The following HHATL variants were observed in gnomAD, a reference collection of about 807,000 sequenced individuals.
HHATL encodes the protein protein-cysteine N-palmitoyltransferase HHAT-like protein.
Under a neutral mutation model 59.7 loss-of-function variants are expected in HHATL, and 49 were observed. That is an observed-to-expected ratio of 0.82 (90% CI 0.65 to 1.04). The LOEUF is 1.04. Ranked by LOEUF, HHATL falls within the 50% of genes least tolerant of loss-of-function variation. The pLI is 0.00. For synonymous variants in HHATL, 238 were observed against 257.3 expected (o/e 0.93, Z 0.72); for missense variants, 605 against 650.8 (o/e 0.93, Z 0.77).
chr3:42,698,916 G>C lies in HHATL; in HGVS notation c.289-14C>G, dbSNP rs1264700416. ...CCAGGAGCGGAGCTGTGGGCAGGGAGAAGGCTTCAGTTTCGCCATATAAAT... is the reference window on the plus strand; with the variant it reads ...CCAGGAGCGGAGCTGTGGGCAGGGACAAGGCTTCAGTTTCGCCATATAAAT... On this transcript the variant is annotated splice_polypyrimidine_tract_variant and intron_variant, in intron 4 of 11. Coordinates refer to ENST00000441594, the MANE Select transcript of HHATL (RefSeq NM_020707.4). The C allele has an allele frequency of 6.2e-7, 1 of 1,603,952 alleles. No individual in the cohort carries two copies. The highest frequency in any genetic ancestry group is 8.5e-7 in the Non-Finnish European group (1 of 1,173,856).
rs1344705856 is a variant in HHATL at position 42,701,675 on chromosome 3, C to CGGG, written c.-13-839_-13-837dup. On this transcript the variant is annotated intron_variant, in intron 1 of 11. Coordinates refer to ENST00000441594, the MANE Select transcript of HHATL (RefSeq NM_020707.4). The surrounding 1 kb of genome is among the most constrained non-coding windows in gnomAD (Gnocchi z 5.1). ...GGCTGAGTCTCACCACTCCCTCCAG[C>CGGG]GGGGGCCTAGCTTGTCCCCTGGAGA... Among the ~76,000 whole-genome samples the CGGG allele has an allele frequency of 6.6e-6, 1 of 152,220 alleles. No individual in the cohort carries two copies. The highest frequency in any genetic ancestry group is 1.5e-5 in the Non-Finnish European group (1 of 68,038).
chr3:42,692,696 GC>G lies in HHATL; in HGVS notation c.*54del. 6.2e-7 allele frequency: 1 copy of G among 1,613,508 alleles called. No homozygotes were observed. The highest frequency in any genetic ancestry group is 8.5e-7 in the Non-Finnish European group (1 of 1,179,650). On this transcript the variant is annotated 3_prime_UTR_variant, in exon 12 of 12. Coordinates refer to ENST00000441594, the MANE Select transcript of HHATL (RefSeq NM_020707.4). ...AAAAGTCTTTTATTCTATCGGTCAG[GC>G]CCCATCTGGCCCAAGAATAGCTGAG...
At chr3:42,696,294 C>T (rs1342860488) in intron 9 of HHATL, among the ~76,000 whole-genome samples, 4 of 152,096 alleles carry the variant, frequency 2.6e-5, no homozygotes, top group Admixed American at 1.3e-4. Context: ...GGCTGAATCT[C>T]GGCCATCCCC....
chr3:42,693,240 G>A, intron 10 of HHATL, 22 bp from the exon 11 acceptor site: 1 of 1,611,850 alleles, frequency 6.2e-7, no homozygotes, highest in Admixed American at 1.7e-5. Flanking sequence ...AGGAAAGCAT[G>A]GGCAGCGGGA....
chr3:42,697,549 C>T lies in HHATL; in HGVS notation c.824G>A (p.Ser275Asn). ...FHFFYILTIP[S>N]DLKFANRLPD... The stretch of plus-strand genomic sequence containing the variant: ...GAGGCGGTTGGCGAACTTGAGGTCG[C>T]TGGGGATAGTGAGGATGTAGAAGAA... The change falls in exon 7 of 12, where the codon AGC becomes AAC. Residue 275 changes from serine (S) to asparagine (N), a missense_variant. Coordinates refer to ENST00000441594, the MANE Select transcript of HHATL (RefSeq NM_020707.4). 4.3e-6 allele frequency: 7 copies of T among 1,613,994 alleles called. No homozygotes were observed. Among genetic ancestry groups the T allele is most frequent in the East Asian group, 2.2e-5 (1 of 44,874 alleles).
rs1267415871 is a variant in HHATL, at chr3:42,693,710, A to G, written c.1155T>C (p.Ile385=). 1.2e-6 allele frequency: 2 copies of G among 1,614,196 alleles called. No individual in the cohort carries two copies. The highest frequency in any genetic ancestry group is 1.7e-6 in the Non-Finnish European group (2 of 1,180,020). The stretch of plus-strand genomic sequence containing the variant: ...AGTTAAGGAATGACCACAGGTAGAC[A>G]ATGTCACAAGGCCCAAGCCACAGTG... The part of the protein sequence containing the change: ...ITTLWLGPCD[I]VYLWSFLNCF... The change falls in exon 10 of 12, where the codon ATT becomes ATC. Residue 385 remains isoleucine (I), a synonymous_variant. Coordinates refer to ENST00000441594, the MANE Select transcript of HHATL (RefSeq NM_020707.4).
In HHATL at chr3:42,692,724, A is replaced by C; in HGVS notation, c.*27T>G. 1.9e-6 allele frequency: 3 copies of C among 1,614,202 alleles called. No homozygotes were observed. In the South Asian group the frequency reaches 3.3e-5, roughly 18 times the overall value. Reference sequence around the variant, plus strand: ...CCATCTGGCCCAAGAATAGCTGAGCAGAGCCCATCCCTCTACCCGCTCCCT... The same window carrying C: ...CCATCTGGCCCAAGAATAGCTGAGCCGAGCCCATCCCTCTACCCGCTCCCT... On this transcript the variant is annotated 3_prime_UTR_variant, in exon 12 of 12. Coordinates refer to ENST00000441594, the MANE Select transcript of HHATL (RefSeq NM_020707.4).
Position 42,699,838 on chromosome 3 carries a change from T to C in HHATL, c.107-13A>G, listed in dbSNP as rs1353667028. The C allele has an allele frequency of 7.1e-6, 11 of 1,554,308 alleles. No homozygotes were observed. Among genetic ancestry groups the C allele is most frequent in the African/African-American group, 2.7e-5 (2 of 73,254 alleles). On this transcript the variant is annotated splice_polypyrimidine_tract_variant and intron_variant, in intron 2 of 11. Transcript: ENST00000441594. ...CTGTGGGCCCCATCTGAGAACAGAG[T>C]GTGGCCTCAGGGAGAGGGGCCTTCA... is the stretch of plus-strand genomic sequence containing the variant.
rs768695476 is a variant in HHATL at position 42,699,731 on chromosome 3, A to G, written c.174+27T>C. ...AGAGCAGAGAAGGGTTCGGGATGGG[A>G]GGGACCCTGGGATGTGGGGGACCTA... On this transcript the variant is annotated intron_variant, in intron 3 of 11. Transcript: ENST00000441594. 8 of 1,561,208 alleles carry G rather than the reference A, an allele frequency of 5.1e-6. No individual in the cohort carries two copies. In the East Asian group the frequency reaches 7.1e-5, roughly 14 times the overall value.
chr3:42,695,989 C>A (rs144912075), intron 9 of HHATL, among the ~76,000 whole-genome samples: 2 of 152,146 alleles, frequency 1.3e-5, no homozygotes, highest in Non-Finnish European at 1.5e-5. Context: ...CCCTGCAGTC[C>A]CAGGCTTCTT....
At chr3:42,699,625 A>C (rs887341695) in intron 3 of HHATL, 133 bp downstream of exon 3, 10 of 713,100 alleles carry the variant, frequency 1.4e-5, no homozygotes, top group Non-Finnish European at 2.4e-5. Context: ...CCAGTAAAGA[A>C]GCTGAAGGCA....
chr3:42,697,018 G>T lies in HHATL; in HGVS notation c.993C>A (p.Leu331=), dbSNP rs756061862. Residue 331 remains leucine (L), a synonymous_variant, in exon 8 of 12, where the codon CTC becomes CTA. Coordinates refer to ENST00000441594, the MANE Select transcript of HHATL (RefSeq NM_020707.4). ...GCACTCACGTTTCCGCAAAGACGTA[G>T]AGTGCGGTGATGCACTTGGGAGGCT... ...PPQPPKCITA[L]YVFAETHFDR... The T allele has an allele frequency of 1.4e-5, 23 of 1,604,092 alleles. No individual in the cohort carries two copies. Among genetic ancestry groups the T allele is most frequent in the Non-Finnish European group, 1.9e-5 (22 of 1,173,992 alleles).
chr3:42,698,615 A>C, intron 5 of HHATL, 93 bp downstream of exon 5: 2 of 1,386,346 alleles, frequency 1.4e-6, no homozygotes, highest in African/African-American at 1.4e-5. Flanking sequence ...AGTGAAGGGA[A>C]TACTTGGGGA....
rs918851737 is a variant in HHATL, at chr3:42,692,828, C to T, written c.1438G>A (p.Val480Ile). The change falls in exon 12 of 12, where the codon GTC (valine) becomes ATC (isoleucine). Residue 480 changes from valine (V) to isoleucine (I), a missense_variant. Transcript: ENST00000441594. ...CGCTCACGCTCCTTTACCAGCTGGACGCCACAGTAGGTGACAAACAGGATG... is the reference window on the plus strand; with the variant it reads ...CGCTCACGCTCCTTTACCAGCTGGATGCCACAGTAGGTGACAAACAGGATG... Reference protein sequence around the residue: ...LSILFVTYCGVQLVKERERTL... With the variant: ...LSILFVTYCGIQLVKERERTL... The T allele has an allele frequency of 2.0e-5, 33 of 1,614,106 alleles. No homozygotes were observed. Among genetic ancestry groups the T allele is most frequent in the Middle Eastern group, 1.6e-4 (1 of 6,084 alleles).
rs777324800 is a variant in HHATL, at chr3:42,698,726, G to C, written c.465C>G (p.Asp155Glu). Residue 155 changes from aspartate to glutamate, a missense_variant, in exon 5 of 12, where the codon GAC becomes GAG. Physicochemically the swap from Asp to Glu is conservative, Grantham distance 45. Transcript: ENST00000441594. ...GLASLASFKM[D>E]PLISWQSGFV... ...TTCACACCTGCCAAGAGATTAGGGG[G>C]TCCATCTTGAAGGAGGCCAGGCTGG... The C allele has an allele frequency of 3.2e-6, 5 of 1,580,304 alleles. No homozygotes were observed. The South Asian group carries it at 4.7e-5, about 15-fold the overall frequency.
intron 11 of HHATL, 40 bp downstream of exon 11, chr3:42,693,037 T>C (rs774758083): frequency 1.2e-6 from 2 of 1,611,664 alleles, no homozygotes; most frequent in Admixed American, 3.3e-5. Flanking sequence ...TTGAGGCTGA[T>C]GCCTGGCACC....
chr3:42,698,293 C>T lies in HHATL; in HGVS notation c.542G>A (p.Ser181Asn). 1 of 1,614,022 alleles carries T rather than the reference C, an allele frequency of 6.2e-7. No homozygotes were observed. Among genetic ancestry groups the T allele is most frequent in the Non-Finnish European group, 8.5e-7 (1 of 1,179,940 alleles). The stretch of plus-strand genomic sequence containing the variant: ...GCTGGTGCAACGCAGCACTGTGAAG[C>T]TGCTGCCCCCATGAAACAGCACCTC... ...LQEVLFHGGS[S>N]FTVLRCTSFA... Residue 181 changes from serine (S) to asparagine (N), a missense_variant, in exon 6 of 12, where the codon AGC (serine) becomes AAC (asparagine). Transcript: ENST00000441594.
At chr3:42,697,467 G>A (rs758221691) in intron 7 of HHATL, 41 bp downstream of exon 7, 31 of 1,585,014 alleles carry the variant, frequency 2.0e-5, no homozygotes, top group Non-Finnish European at 2.4e-5. Context: ...CTGTTTTCCT[G>A]GGGCGGCAGC....
Position 42,692,745 on chromosome 3 carries a change from TCCC to T in HHATL, c.*3_*5del, listed in dbSNP as rs1697401644. 1 of 1,614,062 alleles carries T rather than the reference TCCC, an allele frequency of 6.2e-7. No individual in the cohort carries two copies. The highest frequency in any genetic ancestry group is 8.5e-7 in the Non-Finnish European group (1 of 1,180,022). Reference sequence around the variant, plus strand: ...GAGCAGAGCCCATCCCTCTACCCGCTCCCTCCTACTCCGGCTTCTCTTTGTCCT... The same window carrying T: ...GAGCAGAGCCCATCCCTCTACCCGCTTCCTACTCCGGCTTCTCTTTGTCCT... On this transcript the variant is annotated 3_prime_UTR_variant, in exon 12 of 12. Transcript: ENST00000441594.
Sources: gnomAD v4.1 joint callset for allele counts (sites outside exome capture counted in the v4.1 genomes callset) on GRCh38, gnomAD v4.1.1 for gene constraint, Gnocchi (gnomAD v3.1) non-coding constraint, MANE v1.5 for transcripts, NCBI Gene and HGNC (gene_info 2026-07-23, HGNC 2026-07-21) for gene names.